ATXN1: variants seen among roughly 807,000 people sequenced by gnomAD.
ATXN1 encodes ataxin 1, also known as ataxin-1.
Under a neutral mutation model 56.4 loss-of-function variants are expected in ATXN1, and 8 were observed. The observed-to-expected ratio is 0.14, with a 90% CI of 0.08 to 0.26. The LOEUF (loss-of-function observed/expected upper bound fraction) is 0.26, where lower values mean the gene tolerates loss of function less well. Among genes scored for constraint, ATXN1 ranks in the 10% least tolerant of loss-of-function variants. ATXN1 has a pLI of 1.00. For synonymous variants in ATXN1, 514 were observed against 494.6 expected, an observed-to-expected ratio of 1.04 and a Z score of -0.52; for missense variants, 987 against 1,106.5, an observed-to-expected ratio of 0.89 and a Z score of 1.53.
intron 6 of ATXN1, among the ~76,000 whole-genome samples, chr6:16,447,638 T>G (rs1759662566): frequency 6.6e-6 from 1 of 152,110 alleles, no homozygotes; most frequent in African/African-American, 2.4e-5. Flanking sequence ...ATTACAGGTG[T>G]GAGCTACTGC....
chr6:16,627,273 T>C (rs1419980673), intron 3 of ATXN1, among the ~76,000 whole-genome samples: 1 of 152,170 alleles, frequency 6.6e-6, no homozygotes, highest in Non-Finnish European at 1.5e-5. Context: ...AACTGTATGG[T>C]TCTATGCAGC....
At chr6:16,489,767 A>G (rs1760623026) in intron 5 of ATXN1, among the ~76,000 whole-genome samples, 1 of 152,144 alleles carries the variant, frequency 6.6e-6, no homozygotes, top group Non-Finnish European at 1.5e-5. Context: ...GCAATGCACT[A>G]TGATCACGCC....
At chr6:16,469,641 A>G (rs1760177293) in intron 6 of ATXN1, among the ~76,000 whole-genome samples, 1 of 152,210 alleles carries the variant, frequency 6.6e-6, no homozygotes, top group African/African-American at 2.4e-5. Context: ...GGCTTCTTCA[A>G]ACACTTGTAT....
At chr6:16,742,596 T>C (rs765235092) in intron 2 of ATXN1, among the ~76,000 whole-genome samples, 5 of 152,108 alleles carry the variant, frequency 3.3e-5, no homozygotes, top group Non-Finnish European at 7.4e-5. Flanking sequence ...TGGTCCAACA[T>C]ATGGTCGCTC....
At chr6:16,624,792 C>T (rs558009786) in intron 3 of ATXN1, among the ~76,000 whole-genome samples, 1 of 152,216 alleles carries the variant, frequency 6.6e-6, no homozygotes, top group East Asian at 1.9e-4. Context: ...CTGAATATGC[C>T]ACAATTCAGA....
At chr6:16,709,521 CA>C (rs1759479766) in intron 2 of ATXN1, among the ~76,000 whole-genome samples, 1 of 151,716 alleles carries the variant, frequency 6.6e-6, no homozygotes, top group Non-Finnish European at 1.5e-5. Context: ...AATTGTACAT[CA>C]AAAAAGGGAA....
chr6:16,703,523 C>G (rs1759336730), intron 2 of ATXN1, among the ~76,000 whole-genome samples: 1 of 152,016 alleles, frequency 6.6e-6, no homozygotes, highest in Admixed American at 6.6e-5. Context: ...TCTTTATAAC[C>G]TCTATGAAAA....
At chr6:16,598,912 C>CG (rs1304034606) in intron 3 of ATXN1, among the ~76,000 whole-genome samples, 1 of 152,194 alleles carries the variant, frequency 6.6e-6, no homozygotes. Context: ...GCTTGGTGTC[C>CG]AGCTGAAAAG....
chr6:16,624,008 GA>G (rs1398250029), intron 3 of ATXN1, among the ~76,000 whole-genome samples: 1 of 152,206 alleles, frequency 6.6e-6, no homozygotes, highest in Non-Finnish European at 1.5e-5. Flanking sequence ...GGGGAGAAGG[GA>G]AAAGAAGAGT....
chr6:16,375,712 A>C (rs889055441), intron 6 of ATXN1, among the ~76,000 whole-genome samples: 9 of 152,180 alleles, frequency 5.9e-5, no homozygotes, highest in Non-Finnish European at 1.3e-4. Flanking sequence ...TACTAATTTA[A>C]GAGTTCTTTC....
At chr6:16,420,105 C>T (rs952051019) in intron 6 of ATXN1, among the ~76,000 whole-genome samples, 2 of 152,166 alleles carry the variant, frequency 1.3e-5, no homozygotes, top group East Asian at 1.9e-4. Flanking sequence ...CATAAGTGAT[C>T]GAAAGTCACA....
Position 16,331,547 on chromosome 6 carries a change from G to T in ATXN1, c.-160-3077C>A, listed in dbSNP as rs142910124. Among the ~76,000 whole-genome samples, 5 of 152,256 alleles carry T rather than the reference G, an allele frequency of 3.3e-5. No homozygotes were observed. In the East Asian group the frequency reaches 9.6e-4, roughly 29 times the overall value. On this transcript the variant is annotated intron_variant, in intron 6 of 7. Transcript: ENST00000436367. Reference sequence around the variant, plus strand: ...AGCACTGATCCAATAAAACCCCACAGGGTTTCATGAGGGATATTTATGCAA... The same window carrying T: ...AGCACTGATCCAATAAAACCCCACATGGTTTCATGAGGGATATTTATGCAA...
intron 6 of ATXN1, among the ~76,000 whole-genome samples, chr6:16,388,645 A>G (rs2113517663): frequency 6.6e-6 from 1 of 152,358 alleles, no homozygotes; most frequent in South Asian, 2.1e-4. Flanking sequence ...GAAAGCTGGC[A>G]TGATTCAATA....
At chr6:16,573,493 C>G (rs749309929) in intron 4 of ATXN1, among the ~76,000 whole-genome samples, 48 of 152,030 alleles carry the variant, frequency 3.2e-4, no homozygotes, top group Non-Finnish European at 5.0e-4. Context: ...TCGCCTGTCC[C>G]CTGTTTCTCC....
At chr6:16,479,678 C>T (rs1760396325) in intron 6 of ATXN1, among the ~76,000 whole-genome samples, 1 of 152,096 alleles carries the variant, frequency 6.6e-6, no homozygotes, top group Non-Finnish European at 1.5e-5. Context: ...TCATCCCTGC[C>T]CTTCTTTATT....
At chr6:16,570,794 A>C (rs928293033) in intron 4 of ATXN1, among the ~76,000 whole-genome samples, 5 of 152,204 alleles carry the variant, frequency 3.3e-5, no homozygotes, top group Non-Finnish European at 5.9e-5. Flanking sequence ...AAACTAAGTT[A>C]AGATGTAATT....
At chr6:16,583,392 G>C (rs1762561483) in intron 4 of ATXN1, among the ~76,000 whole-genome samples, 1 of 152,146 alleles carries the variant, frequency 6.6e-6, no homozygotes, top group African/African-American at 2.4e-5. Context: ...GAGCCAAAGG[G>C]TCAAGAGATT....
intron 3 of ATXN1, among the ~76,000 whole-genome samples, chr6:16,600,521 A>G (rs1762893745): frequency 6.6e-6 from 1 of 152,230 alleles, no homozygotes; most frequent in Non-Finnish European, 1.5e-5. Context: ...CTTTGAACAG[A>G]ATGCTTCACT....
At chr6:16,565,611 G>A (rs1354318247) in intron 4 of ATXN1, among the ~76,000 whole-genome samples, 1 of 152,128 alleles carries the variant, frequency 6.6e-6, no homozygotes, top group Non-Finnish European at 1.5e-5. Flanking sequence ...AGGTCTCTGG[G>A]TAATGCTGGC....
Sources: allele counts gnomAD v4.1 joint callset (sites outside exome capture counted in the v4.1 genomes callset), GRCh38; gene constraint gnomAD v4.1.1; transcripts MANE v1.5; gene names NCBI Gene and HGNC (gene_info 2026-07-23, HGNC 2026-07-21).